Variants in CAST observed in about 807,000 individuals in gnomAD.
CAST encodes the protein MIR583 host.
Under a neutral mutation model 119.6 loss-of-function variants are expected in CAST, and 76 were observed. That is an observed-to-expected ratio of 0.64 (90% CI 0.53 to 0.77). The LOEUF (loss-of-function observed/expected upper bound fraction) is 0.77, where lower values mean the gene tolerates loss of function less well. CAST is among the 30% of genes least tolerant of loss of function. The probability of loss-of-function intolerance (pLI) is 0.00; values close to 1 mark genes in which losing one functional copy is unlikely to be tolerated. For synonymous variants in CAST, 319 were observed against 331.6 expected (o/e 0.96, Z 0.41); for missense variants, 953 against 946.5 (o/e 1.01, Z -0.09).
At chr5:96,431,088 C>A in the CAST span, among the ~76,000 whole-genome samples, 1 of 152,146 alleles carries the variant, frequency 6.6e-6, no homozygotes, top group Non-Finnish European at 1.5e-5. Context: ...AAGGAATACA[C>A]AATTAAATCC....
the CAST span, chr5:96,412,377 T>G: frequency 6.2e-7 from 1 of 1,614,158 alleles, no homozygotes; most frequent in Non-Finnish European, 8.5e-7. Context: ...TCCACAGTTT[T>G]CCCATCATCA....
intron 1 of CAST, among the ~76,000 whole-genome samples, chr5:96,650,404 A>G (rs956803746): frequency 6.6e-6 from 1 of 152,198 alleles, no homozygotes; most frequent in African/African-American, 2.4e-5. Flanking sequence ...CTTGCATGAA[A>G]AAGGAATGTG....
chr5:96,714,180 T>C (rs1561510153), intron 3 of CAST, among the ~76,000 whole-genome samples: 1 of 152,182 alleles, frequency 6.6e-6, no homozygotes. Flanking sequence ...AGGTATCTTT[T>C]TTTATATACA....
At chr5:96,597,204 C>A (rs1747068374) in intron 1 of CAST, among the ~76,000 whole-genome samples, 1 of 152,132 alleles carries the variant, frequency 6.6e-6, no homozygotes, top group Non-Finnish European at 1.5e-5. Flanking sequence ...ATGAAAAATA[C>A]TTGCAAAACA....
At chr5:96,238,357 T>C in the CAST span, among the ~76,000 whole-genome samples, 509 of 79,662 alleles carry the variant, frequency 6.4e-3, 4 homozygotes, top group Non-Finnish European at 8.7e-3. Context: ...ATCTTCATCT[T>C]CTTCTTCTCC....
rs139749999 is a variant in CAST at position 96,536,707 on chromosome 5, G to A, written c.60+6827G>A. Among the ~76,000 whole-genome samples the A allele has an allele frequency of 5.9e-3, 902 of 152,270 alleles. 6 individuals carry two copies. Among genetic ancestry groups the A allele is most frequent in the African/African-American group, 0.021 (861 of 41,554 alleles). The stretch of plus-strand genomic sequence containing the variant: ...TTTTTTGAGCTGTCCTATTAAATCT[G>A]TGCATTATGACAGCTTGGAAATTCT... On this transcript the variant is annotated intron_variant, in intron 1 of 11. Coordinates refer to the CAST transcript ENST00000505143.
At chr5:96,200,197 A>G in the CAST span, among the ~76,000 whole-genome samples, 7 of 152,068 alleles carry the variant, frequency 4.6e-5, no homozygotes, top group Admixed American at 4.6e-4. Flanking sequence ...CTTCACTCCC[A>G]TCTTCCACCT....
chr5:96,361,338 A>G, the CAST span, among the ~76,000 whole-genome samples: 1 of 152,022 alleles, frequency 6.6e-6, no homozygotes, highest in African/African-American at 2.4e-5. Flanking sequence ...AGGGGAGTGA[A>G]CAGTTCTGTT....
At chr5:96,670,782 C>T (rs148255058) in intron 1 of CAST, among the ~76,000 whole-genome samples, 3,539 of 152,316 alleles carry the variant, frequency 0.023, 142 homozygotes, top group African/African-American at 0.081. Flanking sequence ...AGGCGTGAGC[C>T]ACTGTGCCCG....
At chr5:96,107,070 T>A in the CAST span, among the ~76,000 whole-genome samples, 39,452 of 142,684 alleles carry the variant, frequency 0.28, 5,771 homozygotes, top group Middle Eastern at 0.33. Flanking sequence ...GTTTTCCATT[T>A]GCTTGGTAGA....
chr5:96,252,641 T>C, the CAST span, among the ~76,000 whole-genome samples: 1 of 152,168 alleles, frequency 6.6e-6, no homozygotes, highest in African/African-American at 2.4e-5. Flanking sequence ...GAGTTCAATG[T>C]CAATTCTTGA....
chr5:96,761,340 GAATTT>G (rs1767880061), intron 24 of CAST: 1 of 152,074 alleles, frequency 6.6e-6, no homozygotes, highest in Non-Finnish European at 1.5e-5. Flanking sequence ...AACTAAAAAT[GAATTT>G]AATTTAGTAC....
the CAST span, among the ~76,000 whole-genome samples, chr5:96,034,602 T>G: frequency 6.6e-5 from 10 of 151,408 alleles, no homozygotes; most frequent in Admixed American, 5.3e-4. Flanking sequence ...TTACCTAACA[T>G]AGTTTTTTTT....
At chr5:96,344,653 C>T in the CAST span, among the ~76,000 whole-genome samples, 9 of 152,016 alleles carry the variant, frequency 5.9e-5, no homozygotes, top group Admixed American at 2.0e-4. Flanking sequence ...TTTATTTTTG[C>T]TTAAGTTTGT....
the CAST span, among the ~76,000 whole-genome samples, chr5:96,394,196 A>C: frequency 2.0e-5 from 3 of 152,112 alleles, no homozygotes; most frequent in Non-Finnish European, 2.9e-5. Context: ...TACCTATTAC[A>C]CCTGAGGCAC....
the CAST span, chr5:96,412,226 A>G: frequency 9.2e-7 from 1 of 1,083,242 alleles, no homozygotes; most frequent in Admixed American, 1.7e-5. Flanking sequence ...ATCCACAACA[A>G]TGTTATTCCA....
the CAST span, among the ~76,000 whole-genome samples, chr5:96,097,693 G>GGTGT: frequency 6.6e-6 from 1 of 152,078 alleles, no homozygotes; most frequent in African/African-American, 2.4e-5. Flanking sequence ...AGTATTCCAT[G>GGTGT]GTGTATATGT....
chr5:96,384,455 G>A, the CAST span, among the ~76,000 whole-genome samples: 30 of 152,300 alleles, frequency 2.0e-4, no homozygotes, highest in South Asian at 8.3e-4. Context: ...ATGGACATAC[G>A]TGACTGGGTG....
At chr5:96,098,111 G>T in the CAST span, among the ~76,000 whole-genome samples, 799 of 152,036 alleles carry the variant, frequency 5.3e-3, 5 homozygotes, top group Non-Finnish European at 8.5e-3. Context: ...TAATTGTTGG[G>T]CACATGTATG....
Sources: allele counts gnomAD v4.1 joint callset (sites outside exome capture counted in the v4.1 genomes callset), GRCh38; gene constraint gnomAD v4.1.1; transcripts MANE v1.5; gene names NCBI Gene and HGNC (gene_info 2026-07-23, HGNC 2026-07-21).